LRRTM4: variants seen among roughly 807,000 people sequenced by gnomAD.
LRRTM4 encodes leucine-rich repeat transmembrane neuronal protein 4.
In LRRTM4, 25 loss-of-function variants were observed where a neutral mutation model predicts 47.6. That is an observed-to-expected ratio of 0.53 (90% CI 0.38 to 0.73). The LOEUF (loss-of-function observed/expected upper bound fraction) is 0.73. Ranked by LOEUF, LRRTM4 falls within the 30% of genes least tolerant of loss-of-function variation. The probability of loss-of-function intolerance (pLI) is 0.00; values close to 1 mark genes in which losing one functional copy is unlikely to be tolerated. For missense variants in LRRTM4, 638 were observed against 713.4 expected (o/e 0.89, Z 1.20); for synonymous variants, 311 against 269.5 (o/e 1.15, Z -1.51).
chr2:77,488,254 G>A (rs72923907), intron 3 of LRRTM4, among the ~76,000 whole-genome samples: 4,972 of 152,188 alleles, frequency 0.033, 254 homozygotes, highest in African/African-American at 0.11. Flanking sequence ...AGCCACTTGC[G>A]GTACATCTGG....
At chr2:77,218,725 T>C (rs1032982372) in intron 3 of LRRTM4, among the ~76,000 whole-genome samples, 1 of 152,174 alleles carries the variant, frequency 6.6e-6, no homozygotes, top group Non-Finnish European at 1.5e-5. Flanking sequence ...TATCTAATGC[T>C]GCATATCCAG....
intron 3 of LRRTM4, among the ~76,000 whole-genome samples, chr2:77,137,496 A>G (rs900239298): frequency 2.0e-5 from 3 of 151,886 alleles, no homozygotes; most frequent in Non-Finnish European, 4.4e-5. Context: ...GAAAGGAACA[A>G]TCAGTACCAG....
At chr2:76,993,839 G>T (rs1677099206) in intron 3 of LRRTM4, among the ~76,000 whole-genome samples, 1 of 151,948 alleles carries the variant, frequency 6.6e-6, no homozygotes, top group South Asian at 2.1e-4. Context: ...CAATAGGAAA[G>T]ATATGAAATC....
intron 3 of LRRTM4, among the ~76,000 whole-genome samples, chr2:77,172,516 T>C (rs1469581749): frequency 1.3e-5 from 2 of 152,028 alleles, no homozygotes; most frequent in Non-Finnish European, 2.9e-5. Flanking sequence ...ATTGCTTGAA[T>C]TTGTGAGGTG....
chr2:77,098,664 G>A (rs993429447), intron 3 of LRRTM4, among the ~76,000 whole-genome samples: 16 of 151,546 alleles, frequency 1.1e-4, no homozygotes, highest in African/African-American at 3.6e-4. Flanking sequence ...CATATTTAAA[G>A]ACTTCTGTGA....
intron 3 of LRRTM4, among the ~76,000 whole-genome samples, chr2:77,183,127 T>C (rs1027454742): frequency 2.7e-5 from 4 of 148,398 alleles, no homozygotes; most frequent in Non-Finnish European, 5.9e-5. Flanking sequence ...CAAAAGAAAC[T>C]ACTATCAGAG....
At chr2:76,835,763 C>T (rs1238313290) in intron 3 of LRRTM4, among the ~76,000 whole-genome samples, 2 of 151,980 alleles carry the variant, frequency 1.3e-5, no homozygotes, top group Non-Finnish European at 2.9e-5. Context: ...AAGGTTACCT[C>T]AGTGGACCAG....
At chr2:77,312,078 C>T (rs1677472241) in intron 3 of LRRTM4, among the ~76,000 whole-genome samples, 1 of 152,054 alleles carries the variant, frequency 6.6e-6, no homozygotes, top group Non-Finnish European at 1.5e-5. Flanking sequence ...CCACCTTGGA[C>T]CCATAAACTG....
chr2:77,207,458 C>T (rs942822382), intron 3 of LRRTM4, among the ~76,000 whole-genome samples: 8 of 150,806 alleles, frequency 5.3e-5, no homozygotes, highest in African/African-American at 2.0e-4. Context: ...CACACTTAGA[C>T]ATTACCTTCT....
intron 3 of LRRTM4, among the ~76,000 whole-genome samples, chr2:77,207,368 T>C (rs916177609): frequency 1.6e-5 from 2 of 128,192 alleles, no homozygotes; most frequent in Admixed American, 7.6e-5. Flanking sequence ...TATATATATA[T>C]ATATACACAC....
intron 3 of LRRTM4, among the ~76,000 whole-genome samples, chr2:77,056,899 A>T (rs746538170): frequency 9.8e-5 from 15 of 152,290 alleles, no homozygotes; most frequent in Non-Finnish European, 2.2e-4. Flanking sequence ...ATAGCCCAAG[A>T]TTTTTTCATA....
intron 3 of LRRTM4, among the ~76,000 whole-genome samples, chr2:77,358,434 G>A (rs1033664548): frequency 3.9e-5 from 6 of 152,060 alleles, no homozygotes; most frequent in Admixed American, 3.3e-4. Context: ...AACTCACCAC[G>A]AAGAGCATGG....
intron 3 of LRRTM4, among the ~76,000 whole-genome samples, chr2:76,874,909 G>A (rs918948226): frequency 1.3e-5 from 2 of 151,232 alleles, no homozygotes; most frequent in African/African-American, 4.9e-5. Context: ...TGAATATTCT[G>A]TTCATGTATT....
chr2:76,882,584 G>C (rs541861264), intron 3 of LRRTM4, among the ~76,000 whole-genome samples: 1 of 151,900 alleles, frequency 6.6e-6, no homozygotes, highest in African/African-American at 2.4e-5. Flanking sequence ...CATGCCTGTG[G>C]TCCCAGCTAC....
intron 3 of LRRTM4, among the ~76,000 whole-genome samples, chr2:76,910,948 T>A (rs1375761616): frequency 6.6e-6 from 1 of 152,244 alleles, no homozygotes; most frequent in East Asian, 1.9e-4. Context: ...TACATTCATT[T>A]ACATAAAATG....
At chr2:77,029,011 G>T (rs1319339589) in intron 3 of LRRTM4, among the ~76,000 whole-genome samples, 1 of 145,122 alleles carries the variant, frequency 6.9e-6, no homozygotes, top group Non-Finnish European at 1.5e-5. Context: ...CTATAGCCTG[G>T]GTGACAAAGC....
chr2:77,513,591 A>AC (rs1222235754), intron 3 of LRRTM4, among the ~76,000 whole-genome samples: 27 of 88,676 alleles, frequency 3.0e-4, no homozygotes, highest in African/African-American at 1.0e-3. Context: ...TTATTTTGAG[A>AC]TGAGTCTTGT....
At chr2:77,258,400 A>T (rs539177516) in intron 3 of LRRTM4, among the ~76,000 whole-genome samples, 2 of 152,194 alleles carry the variant, frequency 1.3e-5, no homozygotes, top group African/African-American at 4.8e-5. Flanking sequence ...GGTTTCATGA[A>T]TGTACTCATG....
chr2:77,276,686 CATATATATATATATATATATATAT>C (rs3980215), intron 3 of LRRTM4, among the ~76,000 whole-genome samples: 1,122 of 71,730 alleles, frequency 0.016, 52 homozygotes, highest in African/African-American at 0.045. Context: ...TTTGTGTACG[CATATATATATATATATATATATAT>C]ATATATATAT....
Sources: gnomAD v4.1 joint callset for allele counts (sites outside exome capture counted in the v4.1 genomes callset) on GRCh38, gnomAD v4.1.1 for gene constraint, MANE v1.5 for transcripts, NCBI Gene and HGNC (gene_info 2026-07-23, HGNC 2026-07-21) for gene names.